Variants in TSPAN18 observed in about 807,000 individuals in gnomAD.
The protein encoded by TSPAN18 is tetraspanin 18, also known as tetraspanin-18.
Under a neutral mutation model 27.3 loss-of-function variants are expected in TSPAN18, and 14 were observed. The ratio of observed to expected loss-of-function variants is 0.51; its 90% CI spans 0.34 to 0.80. TSPAN18 has a LOEUF of 0.80. Ranked by LOEUF, TSPAN18 falls within the 30% of genes least tolerant of loss-of-function variation. TSPAN18 has a pLI of 0.01. For missense variants in TSPAN18, 268 were observed against 323.9 expected, an observed-to-expected ratio of 0.83 and a Z score of 1.32; for synonymous variants, 143 against 136.5, an observed-to-expected ratio of 1.05 and a Z score of -0.33.
chr11:44,852,702 C>T (rs1590581103), intron 2 of TSPAN18, among the ~76,000 whole-genome samples: 1 of 152,294 alleles, frequency 6.6e-6, no homozygotes, highest in African/African-American at 2.4e-5. Context: ...ATCCACTGGC[C>T]CTGCATCTGA....
chr11:44,914,638 C>T (rs1859838583), intron 5 of TSPAN18, among the ~76,000 whole-genome samples: 1 of 152,176 alleles, frequency 6.6e-6, no homozygotes, highest in Non-Finnish European at 1.5e-5. Flanking sequence ...GTTCTGCAAT[C>T]AGAGTTCTTG....
chr11:44,848,656 A>C (rs762127561), intron 2 of TSPAN18, among the ~76,000 whole-genome samples: 1 of 152,162 alleles, frequency 6.6e-6, no homozygotes, highest in Non-Finnish European at 1.5e-5. Context: ...AGAGCACCAG[A>C]CTCATGATGT....
chr11:44,748,225 T>C (rs1263973634), intron 1 of TSPAN18, among the ~76,000 whole-genome samples: 1 of 152,156 alleles, frequency 6.6e-6, no homozygotes, highest in Non-Finnish European at 1.5e-5. Context: ...CTGGCCAACA[T>C]GGTGAAACAC....
intron 3 of TSPAN18, among the ~76,000 whole-genome samples, chr11:44,894,566 C>T (rs1590644023): frequency 6.6e-6 from 1 of 152,214 alleles, no homozygotes; most frequent in South Asian, 2.1e-4. Flanking sequence ...GCAGATGGGG[C>T]TGAGCCGCCA....
chr11:44,755,715 G>T (rs1855316396), intron 1 of TSPAN18, among the ~76,000 whole-genome samples: 1 of 152,164 alleles, frequency 6.6e-6, no homozygotes, highest in Non-Finnish European at 1.5e-5. Flanking sequence ...CATCAGGCTG[G>T]CAGTGGCCCA....
At chr11:44,780,201 AAC>A (rs142371282) in intron 2 of TSPAN18, among the ~76,000 whole-genome samples, 1 of 151,892 alleles carries the variant, frequency 6.6e-6, no homozygotes, top group African/African-American at 2.4e-5. Context: ...CACTGTATGC[AAC>A]ACACACACAC....
chr11:44,894,647 G>A (rs1345089218), intron 3 of TSPAN18, among the ~76,000 whole-genome samples: 2 of 152,244 alleles, frequency 1.3e-5, no homozygotes, highest in Non-Finnish European at 2.9e-5. Flanking sequence ...GGAAAGCCCC[G>A]AGGCACTGCG....
At chr11:44,914,843 A>G (rs1443041177) in intron 5 of TSPAN18, among the ~76,000 whole-genome samples, 2 of 152,146 alleles carry the variant, frequency 1.3e-5, no homozygotes, top group African/African-American at 4.8e-5. Flanking sequence ...GCAGGTAGCT[A>G]TTGCTATTTT....
intron 2 of TSPAN18, among the ~76,000 whole-genome samples, chr11:44,789,340 A>G (rs771716877): frequency 2.6e-5 from 4 of 152,190 alleles, no homozygotes; most frequent in African/African-American, 9.7e-5. Flanking sequence ...AAATTATCCA[A>G]TTTGGAGCCT....
At chr11:44,802,192 T>A (rs554160486) in intron 2 of TSPAN18, among the ~76,000 whole-genome samples, 105 of 151,828 alleles carry the variant, frequency 6.9e-4, no homozygotes, top group Non-Finnish European at 1.3e-3. Flanking sequence ...AAATGGACAG[T>A]GGAATACGGC....
intron 2 of TSPAN18, among the ~76,000 whole-genome samples, chr11:44,811,723 A>G (rs1189223099): frequency 6.6e-6 from 1 of 152,162 alleles, no homozygotes; most frequent in Non-Finnish European, 1.5e-5. Context: ...TGGCCTCCCA[A>G]GGTGCTGAGA....
At chr11:44,881,743 T>C (rs1308512425) in intron 3 of TSPAN18, among the ~76,000 whole-genome samples, 1 of 152,112 alleles carries the variant, frequency 6.6e-6, no homozygotes, top group Non-Finnish European at 1.5e-5. Flanking sequence ...AGGAGGTGGT[T>C]GGTGAATTCA....
intron 2 of TSPAN18, among the ~76,000 whole-genome samples, chr11:44,796,088 A>G (rs1590483478): frequency 6.6e-6 from 1 of 152,076 alleles, no homozygotes; most frequent in Non-Finnish European, 1.5e-5. Flanking sequence ...CATTTGCCCC[A>G]GTGTTCAGGA....
chr11:44,794,929 A>G (rs1856314011), intron 2 of TSPAN18, among the ~76,000 whole-genome samples: 1 of 152,348 alleles, frequency 6.6e-6, no homozygotes, highest in Non-Finnish European at 1.5e-5. Flanking sequence ...AGTTATTAAC[A>G]TGCATTTTCA....
At chr11:44,892,938 A>G (rs80084653) in intron 3 of TSPAN18, among the ~76,000 whole-genome samples, 2,400 of 152,308 alleles carry the variant, frequency 0.016, 63 homozygotes, top group African/African-American at 0.051. Context: ...TGCAGGTGTA[A>G]TAAGTCCTGG....
intron 2 of TSPAN18, among the ~76,000 whole-genome samples, chr11:44,774,620 C>T (rs977779665): frequency 6.6e-6 from 1 of 152,200 alleles, no homozygotes; most frequent in Non-Finnish European, 1.5e-5. Context: ...TGGACAGAGC[C>T]TCCTTCATCC....
chr11:44,781,417 C>T (rs1855937161), intron 2 of TSPAN18, among the ~76,000 whole-genome samples: 1 of 152,334 alleles, frequency 6.6e-6, no homozygotes, highest in African/African-American at 2.4e-5. Context: ...CATTGGAAAA[C>T]TGGACTGTTA....
intron 1 of TSPAN18, chr11:44,736,312 A>G (rs188704925): frequency 1.7e-4 from 26 of 152,386 alleles, no homozygotes; most frequent in African/African-American, 6.3e-4. Context: ...ATCAGCATAT[A>G]GAAATTACAA....
intron 1 of TSPAN18, among the ~76,000 whole-genome samples, chr11:44,754,433 G>A (rs1318053901): frequency 6.6e-6 from 1 of 152,204 alleles, no homozygotes; most frequent in Non-Finnish European, 1.5e-5. Flanking sequence ...TTGCATCCAC[G>A]TGGAGTTCAG....
Sources: allele counts gnomAD v4.1 joint callset (sites outside exome capture counted in the v4.1 genomes callset), GRCh38; gene constraint gnomAD v4.1.1; transcripts MANE v1.5; gene names NCBI Gene and HGNC (gene_info 2026-07-23, HGNC 2026-07-21).